The following TOM1L1 variants were observed in gnomAD, a reference collection of about 807,000 sequenced individuals.
The protein encoded by TOM1L1 is TOM1-like protein 1.
A neutral mutation model predicts 63.4 loss-of-function variants in TOM1L1; 64 were observed. That is an observed-to-expected ratio of 1.01 (90% CI 0.83 to 1.24). TOM1L1 has a LOEUF of 1.24. Among genes scored for constraint, TOM1L1 ranks in the 50% most tolerant of loss-of-function variants. The pLI is 0.00. For missense variants in TOM1L1, 536 were observed against 567.0 expected (o/e 0.95, Z 0.55); for synonymous variants, 166 against 194.4 (o/e 0.85, Z 1.22).
intron 11 of TOM1L1, among the ~76,000 whole-genome samples, chr17:54,946,592 A>G (rs2049123433): frequency 6.6e-6 from 1 of 152,222 alleles, no homozygotes; most frequent in South Asian, 2.1e-4. Context: ...GAAGAGGACA[A>G]AAAAGGGACA....
In TOM1L1 at chr17:54,938,984, T is replaced by C; in HGVS notation, c.1094T>C (p.Met365Thr). ...TTAAAACCCAGTCTTCATCCACAGA[T>C]GAACTTGCTAGCCTTGGAGAATACA... ...NNLKPSLHPQ[M>T]NLLALENTEI... Residue 365 changes from methionine (M) to threonine (T), a missense_variant, in exon 11 of 16, where the codon ATG becomes ACG. By Grantham distance (81) the Met-to-Thr change is moderately conservative. Coordinates refer to ENST00000575882, the MANE Select transcript of TOM1L1 (RefSeq NM_005486.3). 1 of 1,613,044 alleles carries C rather than the reference T, an allele frequency of 6.2e-7. No individual in the cohort carries two copies.
At chr17:54,916,733 A>G (rs2048595966) in intron 7 of TOM1L1, 3 of 152,184 alleles carry the variant, frequency 2.0e-5, no homozygotes, top group Admixed American at 6.5e-5. Context: ...TATTTGGGAA[A>G]CAAAAAAATT....
At chr17:54,925,620 G>A (rs376347746) in intron 7 of TOM1L1, among the ~76,000 whole-genome samples, 1 of 152,154 alleles carries the variant, frequency 6.6e-6, no homozygotes, top group East Asian at 1.9e-4. Context: ...AAACCATCCT[G>A]AGGCCAGATG....
At chr17:54,953,992 A>C (rs2049364776) in intron 14 of TOM1L1, 1 of 152,184 alleles carries the variant, frequency 6.6e-6, no homozygotes, top group African/African-American at 2.4e-5. Flanking sequence ...GATTTCCCCA[A>C]TTGACCAGGG....
chr17:54,953,389 G>C (rs1194094021), intron 14 of TOM1L1: 1 of 152,264 alleles, frequency 6.6e-6, no homozygotes, highest in East Asian at 1.9e-4. Flanking sequence ...AAATCCAACT[G>C]GTTGCCCCCC....
intron 1 of TOM1L1, among the ~76,000 whole-genome samples, chr17:54,901,739 C>T (rs2048330882): frequency 6.6e-6 from 1 of 151,972 alleles, no homozygotes; most frequent in Non-Finnish European, 1.5e-5. Flanking sequence ...TCGTGAGAAC[C>T]TAGTAGTTGT....
intron 3 of TOM1L1, among the ~76,000 whole-genome samples, chr17:54,907,990 G>T (rs9897646): frequency 6.6e-6 from 1 of 151,958 alleles, no homozygotes; most frequent in Non-Finnish European, 1.5e-5. Flanking sequence ...TGAGGAAGTT[G>T]GGCTATTCCA....
At chr17:54,942,683 C>T (rs1297341149) in intron 11 of TOM1L1, among the ~76,000 whole-genome samples, 1 of 152,056 alleles carries the variant, frequency 6.6e-6, no homozygotes, top group African/African-American at 2.4e-5. Flanking sequence ...CTAAAATTTT[C>T]ATATACTAAA....
At chr17:54,904,659 A>G (rs2143726464) in intron 2 of TOM1L1, among the ~76,000 whole-genome samples, 1 of 152,306 alleles carries the variant, frequency 6.6e-6, no homozygotes, top group East Asian at 1.9e-4. Context: ...AACTTCTTAA[A>G]CTTTCGAGAA....
chr17:54,943,581 A>G (rs528903025), intron 11 of TOM1L1, among the ~76,000 whole-genome samples: 5 of 151,864 alleles, frequency 3.3e-5, no homozygotes, highest in Admixed American at 6.6e-5. Flanking sequence ...ATATATGTTT[A>G]TATATACATG....
rs371080161 is a variant in TOM1L1 at position 54,950,769 on chromosome 17, GTTGT to G, written c.1370+650_1370+653del. ...GCCTACAGGCTCTATCTTGCTTGCA[GTTGT>G]TTGTTTTTGACCTGTGCAGAATTTA... is the stretch of plus-strand genomic sequence containing the variant. On this transcript the variant is annotated intron_variant, in intron 14 of 15. Transcript: ENST00000575882. 4.7e-4 allele frequency among the ~76,000 whole-genome samples: 71 copies of G among 152,312 alleles called. 1 individual carries two copies. In the South Asian group the frequency reaches 0.014, roughly 30 times the overall value.
chr17:54,916,166 C>T (rs1421285990), intron 7 of TOM1L1: 7 of 405,216 alleles, frequency 1.7e-5, no homozygotes, highest in Non-Finnish European at 3.0e-5. Context: ...TTCATCCACT[C>T]AACAAACATT....
At chr17:54,960,537 AC>A (rs1195431002) in intron 14 of TOM1L1, 28 bp from the exon 15 acceptor site, 1 of 1,591,142 alleles carries the variant, frequency 6.3e-7, no homozygotes, top group Non-Finnish European at 8.6e-7. Context: ...TTGATACATA[AC>A]CCTTTTGCTG....
intron 11 of TOM1L1, among the ~76,000 whole-genome samples, chr17:54,939,472 T>C (rs371780607): frequency 1.3e-5 from 2 of 152,288 alleles, no homozygotes; most frequent in African/African-American, 4.8e-5. Flanking sequence ...TTAAGAGTAA[T>C]GGCCCCATCA....
chr17:54,951,411 T>C (rs1445297795), intron 14 of TOM1L1, among the ~76,000 whole-genome samples: 1 of 152,046 alleles, frequency 6.6e-6, no homozygotes, highest in African/African-American at 2.4e-5. Context: ...CAGCATTCCT[T>C]CCCCCAGGGT....
chr17:54,949,012 G>T (rs1391735389), intron 12 of TOM1L1, among the ~76,000 whole-genome samples: 7 of 152,016 alleles, frequency 4.6e-5, no homozygotes, highest in Non-Finnish European at 1.0e-4. Flanking sequence ...GGTGCATTAG[G>T]CATAAAATCA....
At chr17:54,954,123 G>C (rs2049371619) in intron 14 of TOM1L1, 1 of 152,146 alleles carries the variant, frequency 6.6e-6, no homozygotes, top group African/African-American at 2.4e-5. Context: ...ACCTCAACGG[G>C]CCAGGTCACC....
rs139812704 is a variant in TOM1L1 at position 54,937,055 on chromosome 17, A to G, written c.916-54A>G. On this transcript the variant is annotated intron_variant, in intron 9 of 15. Transcript: ENST00000575882. Reference sequence around the variant, plus strand: ...CCTCTACAAAGGAGAAAGTATGGGGAGAAAGCTGTGATAAACTACATGACA... The same window carrying G: ...CCTCTACAAAGGAGAAAGTATGGGGGGAAAGCTGTGATAAACTACATGACA... 25 of 1,413,588 alleles carry G rather than the reference A, an allele frequency of 1.8e-5. No homozygotes were observed. The African/African-American group carries it at 2.7e-4, about 15-fold the overall frequency. 87.6% of individuals were successfully genotyped at this position (1,413,588 alleles called of 1,614,324 possible).
intron 14 of TOM1L1, chr17:54,953,615 G>T (rs897466237): frequency 3.3e-5 from 5 of 152,288 alleles, no homozygotes; most frequent in African/African-American, 9.6e-5. Context: ...TTGGGCCCCA[G>T]TGTAGGCAGG....
Sources: allele counts gnomAD v4.1 joint callset (sites outside exome capture counted in the v4.1 genomes callset), GRCh38; gene constraint gnomAD v4.1.1; transcripts MANE v1.5; gene names NCBI Gene and HGNC (gene_info 2026-07-23, HGNC 2026-07-21).